Variants in SLC25A48 observed in about 807,000 individuals in gnomAD.
SLC25A48 encodes the protein CTC-321K16.1.
SLC25A48 carries 29 observed loss-of-function variants against 32.2 expected under a neutral mutation model. The observed-to-expected ratio is 0.90, with a 90% confidence interval of 0.67 to 1.23. The LOEUF is 1.23. Ranked by LOEUF, SLC25A48 falls within the 50% of genes most tolerant of loss-of-function variation. The pLI is 0.00. For synonymous variants in SLC25A48, 164 were observed against 172.3 expected, an observed-to-expected ratio of 0.95 and a Z score of 0.38; for missense variants, 399 against 422.7, an observed-to-expected ratio of 0.94 and a Z score of 0.49.
chr5:135,835,777 G>A (rs1409120256), intron 1 of SLC25A48, among the ~76,000 whole-genome samples: 1 of 151,766 alleles, frequency 6.6e-6, no homozygotes, highest in Non-Finnish European at 1.5e-5. Context: ...CACCAAAGGG[G>A]TGAAAAAATA....
intron 3 of SLC25A48, among the ~76,000 whole-genome samples, chr5:135,851,840 G>A (rs1759892313): frequency 1.3e-5 from 2 of 152,068 alleles, no homozygotes; most frequent in South Asian, 2.1e-4. Flanking sequence ...CGTGTGGAAG[G>A]GACCGAACCC....
intron 3 of SLC25A48, chr5:135,654,008 G>C (rs780047304): frequency 9.4e-6 from 4 of 427,068 alleles, no homozygotes; most frequent in Non-Finnish European, 1.9e-5. Context: ...TAGAGCCCCT[G>C]TTTCTTAGTG....
At chr5:135,605,106 C>G (rs997990429) in intron 1 of SLC25A48, among the ~76,000 whole-genome samples, 2 of 152,154 alleles carry the variant, frequency 1.3e-5, no homozygotes, top group Non-Finnish European at 2.9e-5. Flanking sequence ...TTCTAATTTT[C>G]TTTATATGTA....
At chr5:135,616,996 C>G (rs931797842) in intron 1 of SLC25A48, among the ~76,000 whole-genome samples, 12 of 151,156 alleles carry the variant, frequency 7.9e-5, no homozygotes, top group South Asian at 6.2e-4. Flanking sequence ...AGAATTTCCT[C>G]TTTTTTAATT....
chr5:135,741,613 C>T (rs1755502991), intron 3 of SLC25A48, among the ~76,000 whole-genome samples: 1 of 152,046 alleles, frequency 6.6e-6, no homozygotes, highest in Non-Finnish European at 1.5e-5. Context: ...TGGCAAACAC[C>T]CGTAGTCCCA....
chr5:135,663,948 C>T (rs80137432), intron 3 of SLC25A48, among the ~76,000 whole-genome samples: 4,945 of 152,302 alleles, frequency 0.032, 275 homozygotes, highest in African/African-American at 0.11. Flanking sequence ...TCCTCCACCA[C>T]GCACATGGGT....
intron 3 of SLC25A48, among the ~76,000 whole-genome samples, chr5:135,747,784 C>A (rs915632625): frequency 2.6e-4 from 39 of 152,218 alleles, no homozygotes; most frequent in African/African-American, 8.4e-4. Flanking sequence ...AGAATACTTA[C>A]TATTTGCCAT....
At chr5:135,586,376 A>G (rs560126787) in intron 1 of SLC25A48, among the ~76,000 whole-genome samples, 29 of 152,366 alleles carry the variant, frequency 1.9e-4, no homozygotes, top group African/African-American at 6.3e-4. Flanking sequence ...TGCCCATGCA[A>G]TATTTACGGC....
intron 3 of SLC25A48, among the ~76,000 whole-genome samples, chr5:135,647,330 G>T (rs1335889522): frequency 5.9e-5 from 9 of 152,090 alleles, no homozygotes; most frequent in Non-Finnish European, 1.2e-4. Flanking sequence ...ATTATATTTA[G>T]ACTTATTTTT....
At chr5:135,673,830 T>C (rs1011179530) in intron 3 of SLC25A48, among the ~76,000 whole-genome samples, 6 of 152,042 alleles carry the variant, frequency 3.9e-5, no homozygotes, top group African/African-American at 1.4e-4. Context: ...AGTTCCATAG[T>C]TTTAGCTCTT....
At chr5:135,614,379 CT>C (rs1056922009) in intron 1 of SLC25A48, among the ~76,000 whole-genome samples, 2 of 152,122 alleles carry the variant, frequency 1.3e-5, no homozygotes, top group African/African-American at 4.8e-5. Flanking sequence ...ATTTGACTTT[CT>C]CCTTTCCAGT....
intron 3 of SLC25A48, among the ~76,000 whole-genome samples, chr5:135,698,810 A>G (rs1754325126): frequency 2.0e-5 from 3 of 152,254 alleles, no homozygotes; most frequent in African/African-American, 7.2e-5. Flanking sequence ...TGATCAAGGA[A>G]TTATATCCAG....
At chr5:135,720,160 G>T (rs1242506907) in intron 3 of SLC25A48, among the ~76,000 whole-genome samples, 1 of 152,234 alleles carries the variant, frequency 6.6e-6, no homozygotes, top group Non-Finnish European at 1.5e-5. Context: ...TGACTATGGG[G>T]TGGGATTTCC....
At position 135,579,275 on chromosome 5, in the gene SLC25A48, A is replaced by T. The variant is rs150096126; in HGVS notation, c.-1171A>T. ...TGCACACCCATACCACAGCGCGCAC[A>T]CATTTCCAGCGTCCCGCTCTGCCTT... On this transcript the variant is annotated 5_prime_UTR_variant, in exon 1 of 11. Transcript: ENST00000646290. The T allele has an allele frequency of 2.5e-3, 426 of 169,166 alleles. 2 individuals carry two copies. Among genetic ancestry groups the T allele is most frequent in the African/African-American group, 9.3e-3 (391 of 42,122 alleles). 10.5% of individuals were successfully genotyped at this position (169,166 alleles called of 1,614,324 possible).
At chr5:135,588,949 A>C (rs1365755277) in intron 1 of SLC25A48, among the ~76,000 whole-genome samples, 1 of 152,212 alleles carries the variant, frequency 6.6e-6, no homozygotes, top group African/African-American at 2.4e-5. Flanking sequence ...CAAACAAGCA[A>C]AAATAAGCAA....
At chr5:135,838,930 A>G (rs1053208935) in intron 1 of SLC25A48, among the ~76,000 whole-genome samples, 17 of 152,334 alleles carry the variant, frequency 1.1e-4, no homozygotes, top group Non-Finnish European at 2.4e-4. Flanking sequence ...CAGAGTCCCC[A>G]CTGGGGCAAT....
chr5:135,707,406 C>A (rs982682953), intron 3 of SLC25A48, among the ~76,000 whole-genome samples: 1 of 152,188 alleles, frequency 6.6e-6, no homozygotes, highest in Non-Finnish European at 1.5e-5. Flanking sequence ...AGTCTGCAAG[C>A]GCCTTTGTGA....
intron 3 of SLC25A48, among the ~76,000 whole-genome samples, chr5:135,805,865 C>CTG (rs1362711379): frequency 6.6e-6 from 1 of 151,516 alleles, no homozygotes; most frequent in Non-Finnish European, 1.5e-5. Flanking sequence ...GGTGTATACC[C>CTG]TGTGTGTATA....
At chr5:135,686,941 G>A (rs942985886) in intron 3 of SLC25A48, among the ~76,000 whole-genome samples, 12 of 151,934 alleles carry the variant, frequency 7.9e-5, no homozygotes, top group Admixed American at 2.6e-4. Context: ...GAAAGGGAAA[G>A]GGTTGTTTTT....
Sources: gnomAD v4.1 joint callset for allele counts (sites outside exome capture counted in the v4.1 genomes callset) on GRCh38, gnomAD v4.1.1 for gene constraint, MANE v1.5 for transcripts, NCBI Gene and HGNC (gene_info 2026-07-23, HGNC 2026-07-21) for gene names.